The following ALX3 variants were observed in gnomAD, a reference collection of about 807,000 sequenced individuals.
ALX3 encodes the protein ALX homeobox 3.
Under a neutral mutation model 26.3 loss-of-function variants are expected in ALX3, and 17 were observed. The observed-to-expected ratio is 0.65, with a 90% CI of 0.44 to 0.97. The LOEUF (loss-of-function observed/expected upper bound fraction) is 0.97, where lower values mean the gene tolerates loss of function less well. Among genes scored for constraint, ALX3 ranks in the 50% least tolerant of loss-of-function variants. ALX3 has a pLI of 0.00. For synonymous variants in ALX3, 208 were observed against 201.4 expected (o/e 1.03, Z -0.28); for missense variants, 461 against 466.5 (o/e 0.99, Z 0.11).
intron 1 of ALX3, among the ~76,000 whole-genome samples, chr1:110,066,064 C>T (rs1157149424): frequency 1.3e-5 from 2 of 152,270 alleles, no homozygotes; most frequent in African/African-American, 4.8e-5. Flanking sequence ...GCCCAGCTAG[C>T]TGGCACAAGA....
intron 2 of ALX3, chr1:110,061,918 T>C (rs986328775): frequency 7.5e-6 from 2 of 266,768 alleles, no homozygotes; most frequent in Non-Finnish European, 1.4e-5. Context: ...GTGTTGGGTT[T>C]CTAGTCTCCC....
At chr1:110,061,689 A>G in intron 2 of ALX3, 126 bp from the exon 3 acceptor site, 1 of 1,405,992 alleles carries the variant, frequency 7.1e-7, no homozygotes, top group African/African-American at 1.4e-5. Context: ...GGAGGATCTC[A>G]ACTGTTAATC....
intron 1 of ALX3, among the ~76,000 whole-genome samples, chr1:110,067,642 AC>A (rs1653820653): frequency 6.6e-6 from 1 of 152,134 alleles, no homozygotes; most frequent in South Asian, 2.1e-4. Flanking sequence ...ATCCATTGAG[AC>A]CGCGGGACCA....
At position 110,060,505 on chromosome 1, in the gene ALX3, CAGTT is replaced by C. The variant is rs1436421331; in HGVS notation, c.*224_*227del. On this transcript the variant is annotated 3_prime_UTR_variant, in exon 4 of 4. Coordinates refer to ENST00000647563, the MANE Select transcript of ALX3 (RefSeq NM_006492.3). ...AGCCCAGAGTTCAGGTGAGGGGACT[CAGTT>C]TGTGGTAGGAAGAGTCCTGGCTGCT... The C allele has an allele frequency of 1.3e-5, 5 of 387,394 alleles. No individual in the cohort carries two copies. The highest frequency in any genetic ancestry group is 2.3e-5 in the Non-Finnish European group (5 of 217,238). The allele number at this position is 387,394 out of a possible 1,614,324, so 24.0% of individuals were successfully genotyped here. A position where few individuals can be genotyped will look rare whatever the true frequency, so the allele number is the denominator to read the frequency against.
Position 110,070,551 on chromosome 1 carries a change from G to A in ALX3, c.62C>T (p.Ser21Leu). 3 of 1,307,262 alleles carry A rather than the reference G, an allele frequency of 2.3e-6. No homozygotes were observed. Among genetic ancestry groups the A allele is most frequent in the Middle Eastern group, 5.9e-4 (2 of 3,412 alleles). The allele number at this position is 1,307,262 out of a possible 1,614,324, so 81.0% of individuals were successfully genotyped here. A position where few individuals can be genotyped will look rare whatever the true frequency, so the allele number is the denominator to read the frequency against. Residue 21 changes from serine to leucine, a missense_variant, in exon 1 of 4, where the codon TCG becomes TTG. Around this residue, in one of 3 missense-constraint regions of ALX3, gnomAD observed 241 missense variants for 206.1 expected, o/e 1.17. Coordinates refer to ENST00000647563, the MANE Select transcript of ALX3 (RefSeq NM_006492.3). The part of the protein sequence containing the change: ...VGPAPGPYVA[S>L]GDEPPGPQGT... ...CTGCGGGCCCGGAGGCTCGTCCCCC[G>A]AGGCCACATAGGGGCCGGGTGCAGG...
rs761160635 is a variant in ALX3 at position 110,064,784 on chromosome 1, G to A, written c.397C>T (p.His133Tyr). 2.2e-5 allele frequency: 35 copies of A among 1,614,076 alleles called. No homozygotes were observed. The highest frequency in any genetic ancestry group is 5.0e-5 in the Admixed American group (3 of 60,010). Reference sequence around the variant, plus strand: ...GGGAGTCCCGGGGAAAGAGGAAGATGCAGGCTGGCCAGGCAGGGGCCTGGG... The same window carrying A: ...GGGAGTCCCGGGGAAAGAGGAAGATACAGGCTGGCCAGGCAGGGGCCTGGG... ...GSPGPCLASL[H>Y]LPLSPGLPDS... The change falls in exon 2 of 4, where the codon CAT (histidine) becomes TAT (tyrosine). Residue 133 changes from histidine to tyrosine, a missense_variant. Physicochemically the swap from His to Tyr is moderately conservative, Grantham distance 83. Transcript: ENST00000647563.
chr1:110,061,432 T>C lies in ALX3; in HGVS notation c.723+3A>G, dbSNP rs1159049043. On this transcript the variant is annotated splice_donor_region_variant and intron_variant, in intron 3 of 3. Coordinates refer to ENST00000647563, the MANE Select transcript of ALX3 (RefSeq NM_006492.3). ...CCTGGTTCAGGTAGGGCTGGGGTCT[T>C]ACCTGAGGGTGGCTGTCAGTACGGG... 2 of 1,614,104 alleles carry C rather than the reference T, an allele frequency of 1.2e-6. No individual in the cohort carries two copies. Among genetic ancestry groups the C allele is most frequent in the African/African-American group, 2.7e-5 (2 of 74,944 alleles).
In ALX3 at chr1:110,070,420, C is replaced by T. The variant is rs754614088; in HGVS notation, c.193G>A (p.Ala65Thr). ...GPLEPYLPEP[A>T]KPPAKYLQDL... The stretch of plus-strand genomic sequence containing the variant: ...TGCAGGTACTTGGCGGGCGGCTTGG[C>T]CGGCTCTGGGAGGTAGGGCTCCAGG... The change falls in exon 1 of 4, where the codon GCC becomes ACC. Residue 65 changes from alanine to threonine, a missense_variant. By Grantham distance (58) the Ala-to-Thr change is moderately conservative. Transcript: ENST00000647563. 1.4e-5 allele frequency: 18 copies of T among 1,271,466 alleles called. No homozygotes were observed. In the African/African-American group the frequency reaches 2.4e-4, roughly 17 times the overall value. The allele number at this position is 1,271,466 out of a possible 1,614,324, so 78.8% of individuals were successfully genotyped here.
chr1:110,062,620 TGTGTGTGTGTGTGTGTGTGTGTGTG>T (rs993063119), intron 2 of ALX3: 11 of 7,240 alleles, frequency 1.5e-3, no homozygotes, highest in East Asian at 0.05. Flanking sequence ...TGTGTGTGTG[TGTGTGTGTGTGTGTGTGTGTGTGTG>T]GAGTAATCCG....
chr1:110,060,551 T>G lies in ALX3; in HGVS notation c.*182A>C. The G allele has an allele frequency of 2.3e-6, 1 of 429,944 alleles. No homozygotes were observed. The highest frequency in any genetic ancestry group is 3.9e-6 in the Non-Finnish European group (1 of 257,398). The allele number at this position is 429,944 out of a possible 1,614,324, so 26.6% of individuals were successfully genotyped here. The stretch of plus-strand genomic sequence containing the variant: ...CTGGCTGCTTCGAAGCCCCTTCTCC[T>G]AGGCAGCCCCACCTTGTTCTAAGAG... On this transcript the variant is annotated 3_prime_UTR_variant, in exon 4 of 4. Transcript: ENST00000647563.
At chr1:110,070,277 C>T in intron 1 of ALX3, 59 bp downstream of exon 1, 4 of 1,285,406 alleles carry the variant, frequency 3.1e-6, no homozygotes, top group Non-Finnish European at 3.9e-6. Flanking sequence ...CGGGTGGGCC[C>T]GGGTAAGGAA....
intron 1 of ALX3, among the ~76,000 whole-genome samples, chr1:110,069,583 G>A (rs757968424): frequency 3.2e-4 from 49 of 152,254 alleles, no homozygotes; most frequent in South Asian, 2.1e-4. Flanking sequence ...GGGTTAGGCT[G>A]CCCAGGGCTG....
Position 110,064,903 on chromosome 1 carries a change from G to C in ALX3, c.278C>G (p.Ala93Gly). The change falls in exon 2 of 4, where the codon GCT becomes GGT. Residue 93 changes from alanine (A) to glycine (G), a missense_variant and splice_region_variant. Ala to Gly is a moderately conservative substitution (Grantham distance 60). Coordinates refer to ENST00000647563, the MANE Select transcript of ALX3 (RefSeq NM_006492.3). ...GGHFYEGPAEAEEKTSKAASF... is the reference protein window; with the variant it reads ...GGHFYEGPAEGEEKTSKAASF... ...GGCAGCTTTGGAGGTCTTCTCCTCAGCTGCAATGGAGAACACAAAAGGGAG... is the reference window on the plus strand; with the variant it reads ...GGCAGCTTTGGAGGTCTTCTCCTCACCTGCAATGGAGAACACAAAAGGGAG... The C allele has an allele frequency of 6.2e-7, 1 of 1,603,260 alleles. No homozygotes were observed. The highest frequency in any genetic ancestry group is 8.5e-7 in the Non-Finnish European group (1 of 1,175,120).
At chr1:110,063,938 G>A (rs1386481899) in intron 2 of ALX3, among the ~76,000 whole-genome samples, 3 of 151,840 alleles carry the variant, frequency 2.0e-5, no homozygotes, top group Non-Finnish European at 4.4e-5. Flanking sequence ...TGTAAAACTG[G>A]CCACGGCCCC....
At chr1:110,068,957 G>A (rs1653853734) in intron 1 of ALX3, among the ~76,000 whole-genome samples, 1 of 152,220 alleles carries the variant, frequency 6.6e-6, no homozygotes, top group African/African-American at 2.4e-5. Flanking sequence ...CCGGGGGCCC[G>A]AGCTGTCGGT....
At position 110,064,847 on chromosome 1, in the gene ALX3, C is replaced by G. The variant is rs550218304; in HGVS notation, c.334G>C (p.Gly112Arg). 6.2e-6 allele frequency: 10 copies of G among 1,613,082 alleles called. No homozygotes were observed. The highest frequency in any genetic ancestry group is 2.2e-5 in the East Asian group (1 of 44,872). The change falls in exon 2 of 4, where the codon GGG becomes CGG. Residue 112 changes from glycine (G) to arginine (R), a missense_variant. Transcript: ENST00000647563. ...TTAGAGGGCCCGTCTCTGGGGCCCCCTCGGCAGTCCAAGGGCAGCTGGGGG... is the reference window on the plus strand; with the variant it reads ...TTAGAGGGCCCGTCTCTGGGGCCCCGTCGGCAGTCCAAGGGCAGCTGGGGG... ...SFPQLPLDCR[G>R]GPRDGPSNLQ...
rs544073535 is a variant in ALX3 at position 110,069,289 on chromosome 1, C to T, written c.277+1047G>A. Among the ~76,000 whole-genome samples the T allele has an allele frequency of 7.6e-3, 1,163 of 152,386 alleles. 12 individuals are homozygous for T. The highest frequency in any genetic ancestry group is 0.027 in the African/African-American group (1,111 of 41,592). ...CGGCTGGGCGAAAGCCGGAGATGCC[C>T]GGCCACTCCGTGGAGGCCCGCGAGG... On this transcript the variant is annotated intron_variant, in intron 1 of 3. Transcript: ENST00000647563.
At chr1:110,065,481 C>T (rs1285318739) in intron 1 of ALX3, among the ~76,000 whole-genome samples, 1 of 152,190 alleles carries the variant, frequency 6.6e-6, no homozygotes, top group African/African-American at 2.4e-5. Flanking sequence ...AATTCCCCAG[C>T]TCTGGTGTAA....
At chr1:110,066,482 C>A (rs1235545976) in intron 1 of ALX3, among the ~76,000 whole-genome samples, 1 of 151,300 alleles carries the variant, frequency 6.6e-6, no homozygotes, top group Admixed American at 6.6e-5. Flanking sequence ...GAGGCAGTTC[C>A]ATTTGATAGA....
Sources: gnomAD v4.1 joint callset for allele counts (sites outside exome capture counted in the v4.1 genomes callset) on GRCh38, gnomAD v4.1.1 for gene constraint, gnomAD v4.1.1 regional missense constraint, MANE v1.5 for transcripts, NCBI Gene and HGNC (gene_info 2026-07-23, HGNC 2026-07-21) for gene names.